The following SCAPER variants were observed in gnomAD, a reference collection of about 807,000 sequenced individuals.
SCAPER encodes the protein S phase cyclin A-associated protein in the endoplasmic reticulum.
A neutral mutation model predicts 182.2 loss-of-function variants in SCAPER; 98 were observed. The ratio of observed to expected loss-of-function variants is 0.54; its 90% CI spans 0.46 to 0.64. The LOEUF (loss-of-function observed/expected upper bound fraction) is 0.64. Ranked by LOEUF, SCAPER falls within the 30% of genes least tolerant of loss-of-function variation. SCAPER has a pLI of 0.00. For synonymous variants in SCAPER, 605 were observed against 564.6 expected (o/e 1.07, Z -1.01); for missense variants, 1,432 against 1,690.0 (o/e 0.85, Z 2.68).
At chr15:76,365,184 C>T (rs1250185492) in intron 29 of SCAPER, among the ~76,000 whole-genome samples, 1 of 152,152 alleles carries the variant, frequency 6.6e-6, no homozygotes, top group East Asian at 1.9e-4. Context: ...CTGTGGATGT[C>T]ACAAGGACAA....
chr15:76,792,527 T>C (rs937622467), intron 8 of SCAPER, among the ~76,000 whole-genome samples: 3 of 152,194 alleles, frequency 2.0e-5, no homozygotes, highest in African/African-American at 4.8e-5. Flanking sequence ...TGTGACTTCA[T>C]ATGATCAATT....
chr15:76,353,838 G>T, intron 30 of SCAPER, 111 bp downstream of exon 30: 1 of 894,164 alleles, frequency 1.1e-6, no homozygotes, highest in Non-Finnish European at 1.6e-6. Context: ...AATATGTGAA[G>T]ATTTTAAAAG....
rs1243976412 is a variant in SCAPER at position 76,841,898 on chromosome 15, T to C, written c.229A>G (p.Thr77Ala). ...TTATCAAAGTGTTTATCTCCAGTCG[T>C]AGACGATGTTATTTTACAGTCCACT... Reference protein sequence around the residue: ...TAVDCKITSSTTGDKHFDKSP... With the variant: ...TAVDCKITSSATGDKHFDKSP... The change falls in exon 5 of 32, where the codon ACG (threonine) becomes GCG (alanine). Residue 77 changes from threonine to alanine, a missense_variant. Physicochemically the swap from Thr to Ala is moderately conservative, Grantham distance 58. Transcript: ENST00000563290. 6.2e-7 allele frequency: 1 copy of C among 1,613,894 alleles called. No homozygotes were observed. Among genetic ancestry groups the C allele is most frequent in the Non-Finnish European group, 8.5e-7 (1 of 1,179,850 alleles).
At chr15:76,731,402 T>C (rs541976775) in intron 16 of SCAPER, among the ~76,000 whole-genome samples, 1 of 152,302 alleles carries the variant, frequency 6.6e-6, no homozygotes, top group African/African-American at 2.4e-5. Flanking sequence ...ATAAAGAATA[T>C]ACATACCAAT....
intron 17 of SCAPER, among the ~76,000 whole-genome samples, chr15:76,715,126 A>G (rs540106384): frequency 6.6e-6 from 1 of 152,110 alleles, no homozygotes; most frequent in East Asian, 1.9e-4. Flanking sequence ...CACTCATTGG[A>G]GACCTCAGGC....
chr15:76,880,572 T>C (rs972434355), intron 2 of SCAPER, among the ~76,000 whole-genome samples: 1 of 152,206 alleles, frequency 6.6e-6, no homozygotes, highest in African/African-American at 2.4e-5. Flanking sequence ...TTTTTGGACA[T>C]ATTCCTTAGA....
intron 2 of SCAPER, among the ~76,000 whole-genome samples, chr15:76,881,742 G>A (rs2073553125): frequency 6.6e-6 from 1 of 152,130 alleles, no homozygotes; most frequent in African/African-American, 2.4e-5. Context: ...GGAAATTATT[G>A]TTTAATGTAT....
At chr15:76,848,191 G>C (rs1038015807) in intron 4 of SCAPER, among the ~76,000 whole-genome samples, 2 of 151,542 alleles carry the variant, frequency 1.3e-5, no homozygotes, top group Non-Finnish European at 2.9e-5. Flanking sequence ...GTAGAAACGG[G>C]GTTTCACCAT....
At chr15:76,779,221 A>G (rs1026432661) in intron 8 of SCAPER, among the ~76,000 whole-genome samples, 6 of 152,120 alleles carry the variant, frequency 3.9e-5, no homozygotes, top group Non-Finnish European at 8.8e-5. Flanking sequence ...ACAAAAATCT[A>G]TCCAACAACA....
intron 23 of SCAPER, among the ~76,000 whole-genome samples, chr15:76,534,632 C>T (rs1383447655): frequency 6.6e-6 from 1 of 152,060 alleles, no homozygotes; most frequent in Non-Finnish European, 1.5e-5. Context: ...TAATGAATCC[C>T]ATTCTTTCAT....
chr15:76,626,592 C>G (rs920784048), intron 21 of SCAPER, among the ~76,000 whole-genome samples: 2 of 152,182 alleles, frequency 1.3e-5, no homozygotes, highest in African/African-American at 2.4e-5. Context: ...TGGCGCACGC[C>G]TGTAATCCCA....
In SCAPER at chr15:76,691,459, T is replaced by C. The variant is rs549999393; in HGVS notation, c.2508+10299A>G. On this transcript the variant is annotated intron_variant, in intron 20 of 31. Transcript: ENST00000563290. ...AAAATTCAAACGGTTATTTTTGAAC[T>C]GAACAACTTAACTGCAAAGGCGATA... Among the ~76,000 whole-genome samples the C allele has an allele frequency of 1.6e-4, 25 of 152,156 alleles. 1 individual carries two copies. The Middle Eastern group carries it at 0.02, about 124-fold the overall frequency.
intron 6 of SCAPER, among the ~76,000 whole-genome samples, chr15:76,804,087 T>C (rs1193044085): frequency 6.6e-6 from 1 of 152,232 alleles, no homozygotes; most frequent in African/African-American, 2.4e-5. Context: ...GTCCTACACT[T>C]ACATAGCTGT....
At chr15:76,575,854 G>C (rs2047778904) in intron 22 of SCAPER, among the ~76,000 whole-genome samples, 1 of 152,208 alleles carries the variant, frequency 6.6e-6, no homozygotes, top group Non-Finnish European at 1.5e-5. Flanking sequence ...TGAAGTGATA[G>C]AAATATTCTG....
intron 5 of SCAPER, among the ~76,000 whole-genome samples, chr15:76,822,952 C>T (rs1299645272): frequency 6.6e-6 from 1 of 152,188 alleles, no homozygotes; most frequent in African/African-American, 2.4e-5. Flanking sequence ...ATACCATTCT[C>T]ACTTTGCCAT....
chr15:76,772,790 G>A (rs901773268), intron 9 of SCAPER, among the ~76,000 whole-genome samples: 4 of 151,792 alleles, frequency 2.6e-5, no homozygotes, highest in African/African-American at 9.7e-5. Context: ...AGAAACAATA[G>A]TACTGTGTTT....
chr15:76,418,221 G>A lies in SCAPER; in HGVS notation c.3312-13542C>T, dbSNP rs547944399. Reference sequence around the variant, plus strand: ...AGCAAAATCCCTGTGGAACATTAAAGCCCAGGATACCACCACAGACAGGGG... The same window carrying A: ...AGCAAAATCCCTGTGGAACATTAAAACCCAGGATACCACCACAGACAGGGG... On this transcript the variant is annotated intron_variant, in intron 26 of 31. Transcript: ENST00000563290. Among the ~76,000 whole-genome samples, 29 of 152,246 alleles carry A rather than the reference G, an allele frequency of 1.9e-4. No homozygotes were observed. The South Asian group carries it at 5.8e-3, about 31-fold the overall frequency.
chr15:76,639,755 C>G (rs1597862201), intron 21 of SCAPER, among the ~76,000 whole-genome samples: 1 of 151,632 alleles, frequency 6.6e-6, no homozygotes, highest in Non-Finnish European at 1.5e-5. Context: ...AATACCATCC[C>G]AAAATATATA....
At chr15:76,755,359 C>A (rs1202272289) in intron 14 of SCAPER, among the ~76,000 whole-genome samples, 1 of 152,156 alleles carries the variant, frequency 6.6e-6, no homozygotes, top group Non-Finnish European at 1.5e-5. Context: ...CTGTATTCAA[C>A]AGAATCGTGT....
Sources: allele counts gnomAD v4.1 joint callset (sites outside exome capture counted in the v4.1 genomes callset), GRCh38; gene constraint gnomAD v4.1.1; transcripts MANE v1.5; gene names NCBI Gene and HGNC (gene_info 2026-07-23, HGNC 2026-07-21).